The following GLRA1 variants were observed in gnomAD, a reference collection of about 807,000 sequenced individuals.
GLRA1 encodes glycine receptor alpha 1.
In GLRA1, 37 loss-of-function variants were observed where a neutral mutation model predicts 48.3. The observed-to-expected ratio is 0.77, with a 90% CI of 0.59 to 1.01. The LOEUF (loss-of-function observed/expected upper bound fraction) is 1.01. Ranked by LOEUF, GLRA1 falls within the 50% of genes least tolerant of loss-of-function variation. The pLI, the probability that GLRA1 is intolerant of heterozygous loss-of-function variation, is 0.00. For missense variants in GLRA1, 427 were observed against 571.0 expected, an observed-to-expected ratio of 0.75 and a Z score of 2.57; for synonymous variants, 196 against 210.7, an observed-to-expected ratio of 0.93 and a Z score of 0.60.
intron 7 of GLRA1, among the ~76,000 whole-genome samples, chr5:151,830,649 A>C (rs959464707): frequency 1.3e-5 from 2 of 152,220 alleles, no homozygotes; most frequent in African/African-American, 4.8e-5. Flanking sequence ...TATAGTTTCC[A>C]GGCATTTAGG....
At chr5:151,893,157 A>T (rs1004337612) in intron 1 of GLRA1, among the ~76,000 whole-genome samples, 2 of 152,102 alleles carry the variant, frequency 1.3e-5, no homozygotes, top group South Asian at 2.1e-4. Flanking sequence ...TCAAACAGGG[A>T]TGCATTACAC....
intron 4 of GLRA1, among the ~76,000 whole-genome samples, chr5:151,858,643 T>C (rs1753110847): frequency 6.6e-6 from 1 of 152,104 alleles, no homozygotes; most frequent in Non-Finnish European, 1.5e-5. Flanking sequence ...CTGCTCTTGA[T>C]GATGAGGTTC....
chr5:151,860,106 A>T, intron 3 of GLRA1, 98 bp from the exon 4 acceptor site: 1 of 825,258 alleles, frequency 1.2e-6, no homozygotes. Context: ...CCTTTTCTGG[A>T]GGATGTTATT....
chr5:151,889,919 G>A (rs6889906), intron 2 of GLRA1, among the ~76,000 whole-genome samples: 4,124 of 152,114 alleles, frequency 0.027, 186 homozygotes, highest in African/African-American at 0.094. Flanking sequence ...GGTGGGGGTC[G>A]AGGGAGTTAA....
At chr5:151,913,180 A>G (rs1001016673) in intron 1 of GLRA1, among the ~76,000 whole-genome samples, 17 of 152,226 alleles carry the variant, frequency 1.1e-4, no homozygotes, top group African/African-American at 3.6e-4. Context: ...TCGTGTATCT[A>G]TCAGTGAAGT....
chr5:151,897,935 C>T (rs1754261923), intron 1 of GLRA1, among the ~76,000 whole-genome samples: 1 of 152,156 alleles, frequency 6.6e-6, no homozygotes, highest in South Asian at 2.1e-4. Flanking sequence ...AGACTGTCCA[C>T]CACCTTTTGG....
At chr5:151,922,724 A>G (rs1471306369) in intron 1 of GLRA1, among the ~76,000 whole-genome samples, 18 of 152,268 alleles carry the variant, frequency 1.2e-4, no homozygotes, top group Non-Finnish European at 1.5e-5. Flanking sequence ...ACTACAATCC[A>G]GACCTTTTAG....
intron 3 of GLRA1, among the ~76,000 whole-genome samples, chr5:151,865,947 G>A (rs746456326): frequency 3.3e-5 from 5 of 152,172 alleles, no homozygotes; most frequent in African/African-American, 9.7e-5. Flanking sequence ...GTAATAGGCC[G>A]AAAGCTAAAG....
chr5:151,822,862 G>C lies in GLRA1; in HGVS notation c.1161C>G (p.Asn387Lys), dbSNP rs768970494. 1.2e-5 allele frequency: 20 copies of C among 1,614,038 alleles called. No individual in the cohort carries two copies. The highest frequency in any genetic ancestry group is 1.2e-4 in the South Asian group (11 of 91,086). The change falls in exon 9 of 9, where the codon AAC (asparagine) becomes AAG (lysine). Residue 387 changes from asparagine (N) to lysine (K), a missense_variant. Asn to Lys is a moderately conservative substitution (Grantham distance 94, BLOSUM62 0). Around this residue, in one of 4 missense-constraint regions of GLRA1, gnomAD observed 121 missense variants for 96.5 expected, o/e 1.25. Transcript: ENST00000274576. ...CAGGAGGGGGGTTGGTGGTGTTACT[G>C]TTGTTGGCGCCCTTGACTGAGATGC... ...KDGISVKGANNSNTTNPPPAP... is the reference protein window; with the variant it reads ...KDGISVKGANKSNTTNPPPAP...
chr5:151,862,616 G>A (rs965311789), intron 3 of GLRA1, among the ~76,000 whole-genome samples: 2 of 152,146 alleles, frequency 1.3e-5, no homozygotes, highest in Admixed American at 6.5e-5. Flanking sequence ...GAAAAATTCA[G>A]GAGCCAAATC....
chr5:151,828,407 C>T (rs1028558472), intron 8 of GLRA1, among the ~76,000 whole-genome samples: 2 of 152,138 alleles, frequency 1.3e-5, no homozygotes, highest in African/African-American at 4.8e-5. Flanking sequence ...TCAAATATTC[C>T]TTTATTCAAT....
At chr5:151,877,516 AAC>A (rs1753655563) in intron 3 of GLRA1, among the ~76,000 whole-genome samples, 1 of 152,084 alleles carries the variant, frequency 6.6e-6, no homozygotes, top group Non-Finnish European at 1.5e-5. Context: ...CAAAAACAAA[AAC>A]ACAACAACAA....
chr5:151,862,894 C>T (rs1293633777), intron 3 of GLRA1, among the ~76,000 whole-genome samples: 3 of 152,184 alleles, frequency 2.0e-5, no homozygotes, highest in Admixed American at 6.5e-5. Flanking sequence ...AGAATTGAGA[C>T]TGGCTCAATG....
At chr5:151,862,367 A>G (rs986277040) in intron 3 of GLRA1, among the ~76,000 whole-genome samples, 15 of 152,240 alleles carry the variant, frequency 9.9e-5, no homozygotes, top group Non-Finnish European at 2.2e-4. Flanking sequence ...GGCCATAGGC[A>G]TGGTCAAGGA....
intron 8 of GLRA1, among the ~76,000 whole-genome samples, chr5:151,825,373 C>A (rs576407296): frequency 7.2e-4 from 109 of 152,222 alleles, no homozygotes; most frequent in African/African-American, 2.5e-3. Flanking sequence ...ACTTTTTATG[C>A]TGCTTTGGGT....
intron 1 of GLRA1, among the ~76,000 whole-genome samples, chr5:151,921,901 T>C (rs1179674010): frequency 1.3e-5 from 2 of 152,260 alleles, no homozygotes; most frequent in Admixed American, 1.3e-4. Flanking sequence ...TTGATGAGCA[T>C]GCAATGCTTT....
intron 3 of GLRA1, among the ~76,000 whole-genome samples, chr5:151,861,649 G>A (rs1406147419): frequency 6.6e-6 from 1 of 152,038 alleles, no homozygotes; most frequent in Non-Finnish European, 1.5e-5. Flanking sequence ...GACAAACAGA[G>A]AGCCAAATCA....
chr5:151,895,797 C>T (rs1365417575), intron 1 of GLRA1, among the ~76,000 whole-genome samples: 2 of 152,158 alleles, frequency 1.3e-5, no homozygotes, highest in African/African-American at 2.4e-5. Flanking sequence ...CCATTCAGCA[C>T]TGGACTCATG....
At position 151,833,333 on chromosome 5, in the gene GLRA1, C is replaced by G. The variant is rs149246633; in HGVS notation, c.913-4266G>C. ...TTAAATGTAAACAGGCAAAATGCCC[C>G]AGTTAAAAGACACAGACTGGCAAAT... is the stretch of plus-strand genomic sequence containing the variant. On this transcript the variant is annotated intron_variant, in intron 7 of 8. Transcript: ENST00000274576. Among the ~76,000 whole-genome samples, 872 of 152,254 alleles carry G rather than the reference C, an allele frequency of 5.7e-3. 12 individuals are homozygous for G. Among genetic ancestry groups the G allele is most frequent in the African/African-American group, 0.02 (843 of 41,534 alleles).
Sources: allele counts gnomAD v4.1 joint callset (sites outside exome capture counted in the v4.1 genomes callset), GRCh38; gene constraint gnomAD v4.1.1; regional missense constraint gnomAD v4.1.1; transcripts MANE v1.5; gene names NCBI Gene and HGNC (gene_info 2026-07-23, HGNC 2026-07-21).